Variants in MCPH1 observed in about 807,000 individuals in gnomAD.
MCPH1 encodes microcephalin 1.
A neutral mutation model predicts 84.5 loss-of-function variants in MCPH1; 104 were observed. That is an observed-to-expected ratio of 1.23 (90% CI 1.05 to 1.45). The LOEUF is 1.45. Ranked by LOEUF, MCPH1 falls within the 40% of genes most tolerant of loss-of-function variation. MCPH1 has a pLI of 0.00. For synonymous variants in MCPH1, 514 were observed against 366.8 expected (o/e 1.40, Z -4.58); for missense variants, 1,498 against 1,005.7 (o/e 1.49, Z -6.62).
Position 6,589,987 on chromosome 8 carries a change from G to A in MCPH1, c.2215-31467G>A, listed in dbSNP as rs139445519. Among the ~76,000 whole-genome samples, 112 of 152,218 alleles carry A rather than the reference G, an allele frequency of 7.4e-4. No homozygotes were observed. In the East Asian group the frequency reaches 0.02, roughly 28 times the overall value. On this transcript the variant is annotated intron_variant, in intron 12 of 13. Transcript: ENST00000344683. ...AAAAGACATGCATTAAAAAGACATG[G>A]CACTGTCCCCGAAACGATCTTGCTG...
At chr8:6,610,026 G>C (rs957560640) in intron 12 of MCPH1, among the ~76,000 whole-genome samples, 5 of 152,156 alleles carry the variant, frequency 3.3e-5, no homozygotes, top group Non-Finnish European at 7.4e-5. Context: ...GATACTCCCA[G>C]GCCTGACAAC....
intron 13 of MCPH1, chr8:6,626,653 C>A: frequency 1.0e-6 from 1 of 984,946 alleles, no homozygotes; most frequent in African/African-American, 1.7e-5. Context: ...CATTTTCCCC[C>A]CAACACTCCC....
chr8:6,527,660 G>C, intron 12 of MCPH1: 1 of 1,613,610 alleles, frequency 6.2e-7, no homozygotes, highest in Non-Finnish European at 8.5e-7. Flanking sequence ...TTCAAGTCTC[G>C]TGGTCTGATT....
intron 12 of MCPH1, among the ~76,000 whole-genome samples, chr8:6,613,276 G>A (rs1299407520): frequency 6.6e-6 from 1 of 152,210 alleles, no homozygotes; most frequent in Admixed American, 6.5e-5. Flanking sequence ...GGACGAGCCG[G>A]GTAGAAACAG....
intron 13 of MCPH1, chr8:6,625,820 T>G (rs1478151146): frequency 4.1e-6 from 4 of 985,154 alleles, no homozygotes; most frequent in Non-Finnish European, 4.8e-6. Flanking sequence ...TTCAGTGCCT[T>G]TATATTGTTT....
At chr8:6,474,841 TAAG>T (rs1369086214) in intron 9 of MCPH1, among the ~76,000 whole-genome samples, 1 of 152,090 alleles carries the variant, frequency 6.6e-6, no homozygotes, top group Non-Finnish European at 1.5e-5. Flanking sequence ...TCTTAAAAAA[TAAG>T]AATAATAATA....
chr8:6,597,013 G>A (rs985806441), intron 12 of MCPH1, among the ~76,000 whole-genome samples: 9 of 152,202 alleles, frequency 5.9e-5, no homozygotes, highest in Non-Finnish European at 1.0e-4. Context: ...ACCACATTTA[G>A]AGGGTAGGAA....
Position 6,596,729 on chromosome 8 carries a change from C to G in MCPH1, c.2215-24725C>G, listed in dbSNP as rs145947558. On this transcript the variant is annotated intron_variant, in intron 12 of 13. Coordinates refer to ENST00000344683, the MANE Select transcript of MCPH1 (RefSeq NM_024596.5). ...CACAGATCCCACAATGCAACGATGC[C>G]AAAAAACGGTAGAACTGAAAACCCC... Among the ~76,000 whole-genome samples, 314 of 152,016 alleles carry G rather than the reference C, an allele frequency of 2.1e-3. 5 individuals carry two copies. The highest frequency in any genetic ancestry group is 7.2e-3 in the African/African-American group (300 of 41,474).
chr8:6,632,938 G>C (rs1308344917), intron 13 of MCPH1, among the ~76,000 whole-genome samples: 1 of 151,782 alleles, frequency 6.6e-6, no homozygotes, highest in African/African-American at 2.4e-5. Flanking sequence ...TAAATGAATA[G>C]CATTAAGTCT....
intron 12 of MCPH1, chr8:6,513,592 C>G (rs1815636479): frequency 8.7e-7 from 1 of 1,155,882 alleles, no homozygotes; most frequent in Non-Finnish European, 1.2e-6. Context: ...CTCGGCCTCC[C>G]AAAGTGCTGG....
chr8:6,616,987 GT>G (rs1473239551), intron 12 of MCPH1: 1 of 152,074 alleles, frequency 6.6e-6, no homozygotes, highest in South Asian at 2.1e-4. Context: ...CTTGGGAGCT[GT>G]TTTACAGCTT....
In MCPH1 at chr8:6,503,316, A is replaced by G. The variant is rs565533729; in HGVS notation, c.2214+3387A>G. The G allele has an allele frequency of 2.6e-5, 41 of 1,594,146 alleles. No individual in the cohort carries two copies. In the South Asian group the frequency reaches 4.0e-4, roughly 16 times the overall value. ...GAACTAGGTGATGCCAGCTCCCACC[A>G]CGAAGACAGCAATACTCAGCTAAGG... On this transcript the variant is annotated intron_variant, in intron 12 of 13. Coordinates refer to ENST00000344683, the MANE Select transcript of MCPH1 (RefSeq NM_024596.5).
At chr8:6,631,841 T>C (rs2129582351) in intron 13 of MCPH1, among the ~76,000 whole-genome samples, 1 of 152,302 alleles carries the variant, frequency 6.6e-6, no homozygotes, top group East Asian at 1.9e-4. Flanking sequence ...TCTGGGTATA[T>C]GCCAAAAAAA....
At chr8:6,486,990 G>C (rs1399288176) in intron 11 of MCPH1, among the ~76,000 whole-genome samples, 3 of 152,168 alleles carry the variant, frequency 2.0e-5, no homozygotes, top group Non-Finnish European at 4.4e-5. Context: ...TACAAGCAGA[G>C]TGTCCTGTGA....
At chr8:6,408,999 C>A (rs1337539582) in intron 1 of MCPH1, among the ~76,000 whole-genome samples, 2 of 152,084 alleles carry the variant, frequency 1.3e-5, no homozygotes, top group Non-Finnish European at 2.9e-5. Flanking sequence ...GATTCTCCTG[C>A]CTCAGCCTCC....
chr8:6,419,152 G>C (rs3990079), intron 3 of MCPH1, among the ~76,000 whole-genome samples: 5,354 of 58,960 alleles, frequency 0.091, 210 homozygotes, highest in African/African-American at 0.19. Context: ...CACACACACA[G>C]ACACACACAC....
intron 3 of MCPH1, among the ~76,000 whole-genome samples, 185 bp downstream of exon 3, chr8:6,415,068 A>C (rs745400810): frequency 1.1e-4 from 17 of 151,968 alleles, no homozygotes; most frequent in Non-Finnish European, 1.8e-4. Context: ...TCATGCTATA[A>C]TACCTAACTC....
intron 3 of MCPH1, among the ~76,000 whole-genome samples, chr8:6,416,917 C>T (rs1006292087): frequency 6.6e-6 from 1 of 151,810 alleles, no homozygotes; most frequent in African/African-American, 2.4e-5. Flanking sequence ...TCACTTGAAC[C>T]TGGGAGACGG....
chr8:6,489,276 G>A (rs1163045027), intron 11 of MCPH1, among the ~76,000 whole-genome samples: 1 of 152,056 alleles, frequency 6.6e-6, no homozygotes, highest in African/African-American at 2.4e-5. Flanking sequence ...GTTTAGGTTT[G>A]ATCTCTGGGC....
Sources: gnomAD v4.1 joint callset for allele counts (sites outside exome capture counted in the v4.1 genomes callset) on GRCh38, gnomAD v4.1.1 for gene constraint, MANE v1.5 for transcripts, NCBI Gene and HGNC (gene_info 2026-07-23, HGNC 2026-07-21) for gene names.